CADPS: variants seen among roughly 807,000 people sequenced by gnomAD.
CADPS encodes the protein calcium-dependent secretion activator 1.
CADPS carries 57 observed loss-of-function variants against 167.3 expected under a neutral mutation model. The ratio of observed to expected loss-of-function variants is 0.34; its 90% CI spans 0.28 to 0.42. The LOEUF (loss-of-function observed/expected upper bound fraction) is 0.42, where lower values mean the gene tolerates loss of function less well. Ranked by LOEUF, CADPS falls within the 20% of genes least tolerant of loss-of-function variation. The pLI is 1.00. For missense variants in CADPS, 1,414 were observed against 1,738.1 expected, an observed-to-expected ratio of 0.81 and a Z score of 3.32; for synonymous variants, 676 against 635.3, an observed-to-expected ratio of 1.06 and a Z score of -0.96.
At chr3:62,656,295 TACTA>T (rs2150337060) in intron 4 of CADPS, among the ~76,000 whole-genome samples, 1 of 152,316 alleles carries the variant, frequency 6.6e-6, no homozygotes, top group African/African-American at 2.4e-5. Flanking sequence ...ACTTACTGAG[TACTA>T]ACTATGTGCT....
intron 8 of CADPS, 108 bp downstream of exon 8, chr3:62,585,077 T>C: frequency 1.9e-6 from 2 of 1,030,360 alleles, no homozygotes; most frequent in Non-Finnish European, 2.9e-6. Flanking sequence ...GAATTCTTTA[T>C]ATTTCCTTCT....
intron 1 of CADPS, among the ~76,000 whole-genome samples, chr3:62,820,462 T>C (rs1034536066): frequency 3.9e-5 from 6 of 152,184 alleles, no homozygotes; most frequent in Non-Finnish European, 7.3e-5. Context: ...CCCTCAGTCC[T>C]ATATTTTATC....
intron 8 of CADPS, among the ~76,000 whole-genome samples, chr3:62,579,940 A>G (rs2083068680): frequency 6.6e-6 from 1 of 152,142 alleles, no homozygotes; most frequent in Admixed American, 6.5e-5. Context: ...GCCAATGGTG[A>G]GATGGAAGCA....
chr3:62,734,780 G>A (rs931613591), intron 3 of CADPS, among the ~76,000 whole-genome samples: 14 of 152,042 alleles, frequency 9.2e-5, no homozygotes, highest in Admixed American at 3.9e-4. Flanking sequence ...CATATCTTTT[G>A]GTGGTCAAAT....
intron 21 of CADPS, among the ~76,000 whole-genome samples, chr3:62,484,115 G>C (rs1049821298): frequency 3.3e-5 from 5 of 152,048 alleles, no homozygotes; most frequent in Non-Finnish European, 7.4e-5. Context: ...ATTTCAGCTA[G>C]ACTACTGCAC....
At chr3:62,495,712 TAGAG>T (rs775958150) in intron 18 of CADPS, among the ~76,000 whole-genome samples, 2 of 152,156 alleles carry the variant, frequency 1.3e-5, no homozygotes, top group African/African-American at 2.4e-5. Flanking sequence ...TACGTATACA[TAGAG>T]AGAGATTGGG....
In CADPS at chr3:62,465,348, A is replaced by G. The variant is rs752766770; in HGVS notation, c.3636+19T>C. 4 of 1,557,940 alleles carry G rather than the reference A, an allele frequency of 2.6e-6. No individual in the cohort carries two copies. In the South Asian group the frequency reaches 4.8e-5, roughly 19 times the overall value. ...AAAATTAAAACAAAAGCCAGGAAAT[A>G]AAGAAGCTCTTTACTTACGGTAAAT... On this transcript the variant is annotated intron_variant, in intron 26 of 29. Transcript: ENST00000383710. This position sits in a 1 kb window ranked among gnomAD's most constrained non-coding sequence, Gnocchi z 4.1.
intron 2 of CADPS, among the ~76,000 whole-genome samples, chr3:62,759,821 T>C (rs1022804208): frequency 5.9e-5 from 9 of 152,224 alleles, no homozygotes; most frequent in African/African-American, 2.2e-4. Flanking sequence ...ATAGTGGGCA[T>C]GTTTTACTTT....
At chr3:62,409,847 G>GA (rs1414608892) in intron 28 of CADPS, among the ~76,000 whole-genome samples, 10 of 152,104 alleles carry the variant, frequency 6.6e-5, no homozygotes, top group African/African-American at 2.4e-4. Context: ...CATGTCAGGG[G>GA]AAAAAACTGT....
chr3:62,547,596 C>A lies in CADPS; in HGVS notation c.1966+2307G>T, dbSNP rs866401176. On this transcript the variant is annotated intron_variant, in intron 11 of 29. Coordinates refer to ENST00000383710, the MANE Select transcript of CADPS (RefSeq NM_003716.4). Reference sequence around the variant, plus strand: ...GATGATATCATTTACGCCCCCCCCCCCCCGCAAATTCTAACTCTTAGGAGT... The same window carrying A: ...GATGATATCATTTACGCCCCCCCCCACCCGCAAATTCTAACTCTTAGGAGT... 1.8e-4 allele frequency among the ~76,000 whole-genome samples: 21 copies of A among 115,198 alleles called. 3 individuals are homozygous for A. The highest frequency in any genetic ancestry group is 6.9e-4 in the African/African-American group (19 of 27,696). The allele number at this position is 115,198 out of a possible 152,430, so 75.6% of individuals were successfully genotyped here. A position where few individuals can be genotyped will look rare whatever the true frequency, so the allele number is the denominator to read the frequency against.
chr3:62,492,114 T>A (rs2063843690), intron 20 of CADPS, among the ~76,000 whole-genome samples, 176 bp downstream of exon 20: 1 of 152,198 alleles, frequency 6.6e-6, no homozygotes, highest in South Asian at 2.1e-4. Flanking sequence ...AGGATACTTT[T>A]TGGAAGAAAG....
intron 12 of CADPS, among the ~76,000 whole-genome samples, chr3:62,535,810 A>G (rs2074575130): frequency 6.6e-6 from 1 of 152,150 alleles, no homozygotes; most frequent in Non-Finnish European, 1.5e-5. Flanking sequence ...TAAATCATTT[A>G]AATCTAGCTT....
At chr3:62,571,281 C>A (rs1178274472) in intron 8 of CADPS, among the ~76,000 whole-genome samples, 1 of 152,084 alleles carries the variant, frequency 6.6e-6, no homozygotes, top group Non-Finnish European at 1.5e-5. Flanking sequence ...AAAGAGGGTG[C>A]TAAATCTCAC....
chr3:62,611,730 A>G (rs954267780), intron 6 of CADPS, among the ~76,000 whole-genome samples: 1 of 152,194 alleles, frequency 6.6e-6, no homozygotes, highest in African/African-American at 2.4e-5. Context: ...CTTCATACTT[A>G]CTGTTCCCTA....
rs985466174 is a variant in CADPS, at chr3:62,478,432, T to C, written c.3174-16A>G. 2 of 1,610,018 alleles carry C rather than the reference T, an allele frequency of 1.2e-6. No homozygotes were observed. The highest frequency in any genetic ancestry group is 1.7e-6 in the Non-Finnish European group (2 of 1,177,882). ...TGACCCATTACTGGCAGGACAAAAA[T>C]TAGAAAATGAGAGTCACCCACTGGC... On this transcript the variant is annotated splice_polypyrimidine_tract_variant and intron_variant, in intron 22 of 29. Coordinates refer to ENST00000383710, the MANE Select transcript of CADPS (RefSeq NM_003716.4). This position sits in a 1 kb window ranked among gnomAD's most constrained non-coding sequence, Gnocchi z 5.7.
intron 29 of CADPS, among the ~76,000 whole-genome samples, chr3:62,401,035 A>G (rs1031737948): frequency 2.6e-5 from 4 of 152,202 alleles, no homozygotes; most frequent in Non-Finnish European, 2.9e-5. Flanking sequence ...GAAGTCCAAT[A>G]ACAAAAAAGT....
Position 62,777,936 on chromosome 3 carries a change from G to A in CADPS, c.442-11952C>T, listed in dbSNP as rs532262212. On this transcript the variant is annotated intron_variant, in intron 1 of 29. Transcript: ENST00000383710. The stretch of plus-strand genomic sequence containing the variant: ...CTCATGTCTTACGGCAATATGAGCC[G>A]GCTGAATTGTACTGAGGTTTCAGAG... Among the ~76,000 whole-genome samples, 12 of 152,236 alleles carry A rather than the reference G, an allele frequency of 7.9e-5. No homozygotes were observed. The East Asian group carries it at 9.6e-4, about 12-fold the overall frequency.
chr3:62,768,264 A>G (rs1297200177), intron 1 of CADPS, among the ~76,000 whole-genome samples: 1 of 152,194 alleles, frequency 6.6e-6, no homozygotes, highest in African/African-American at 2.4e-5. Context: ...TCTAGTTCAC[A>G]AATCCTAACA....
At chr3:62,681,042 G>A (rs959962830) in intron 3 of CADPS, among the ~76,000 whole-genome samples, 12 of 151,980 alleles carry the variant, frequency 7.9e-5, no homozygotes, top group African/African-American at 2.9e-4. Context: ...GTGATTCCCC[G>A]ACCCTGCTCC....
Sources: allele counts gnomAD v4.1 joint callset (sites outside exome capture counted in the v4.1 genomes callset), GRCh38; gene constraint gnomAD v4.1.1; non-coding constraint Gnocchi (gnomAD v3.1); transcripts MANE v1.5; gene names NCBI Gene and HGNC (gene_info 2026-07-23, HGNC 2026-07-21).